The following ADAMTS17 variants were observed in gnomAD, a reference collection of about 807,000 sequenced individuals.
The protein encoded by ADAMTS17 is A disintegrin and metalloproteinase with thrombospondin motifs 17.
ADAMTS17 carries 113 observed loss-of-function variants against 141.5 expected under a neutral mutation model. The ratio of observed to expected loss-of-function variants is 0.80; its 90% CI spans 0.69 to 0.93. ADAMTS17 has a LOEUF of 0.93. ADAMTS17 is among the 40% of genes least tolerant of loss of function. The pLI, the probability that ADAMTS17 is intolerant of heterozygous loss-of-function variation, is 0.00. For synonymous variants in ADAMTS17, 768 were observed against 630.6 expected (o/e 1.22, Z -3.27); for missense variants, 1,659 against 1,517.9 (o/e 1.09, Z -1.54).
chr15:99,989,889 C>A (rs1191985636), intron 20 of ADAMTS17, among the ~76,000 whole-genome samples: 1 of 152,204 alleles, frequency 6.6e-6, no homozygotes, highest in Non-Finnish European at 1.5e-5. Flanking sequence ...TATATATTAG[C>A]ATCTTGAAAC....
chr15:100,158,474 T>A (rs1372875807), intron 8 of ADAMTS17, among the ~76,000 whole-genome samples: 1 of 152,228 alleles, frequency 6.6e-6, no homozygotes, highest in East Asian at 1.9e-4. Context: ...ACATGAGAGC[T>A]GCCCTCTGAA....
chr15:100,052,804 A>G (rs549935469), intron 16 of ADAMTS17, among the ~76,000 whole-genome samples: 2 of 152,212 alleles, frequency 1.3e-5, no homozygotes, highest in Non-Finnish European at 2.9e-5. Flanking sequence ...CAGTGGACTT[A>G]GCGGGCTGAG....
At chr15:100,282,874 A>G (rs2044330386) in intron 3 of ADAMTS17, among the ~76,000 whole-genome samples, 1 of 152,242 alleles carries the variant, frequency 6.6e-6, no homozygotes, top group African/African-American at 2.4e-5. Flanking sequence ...ATAAATCTGC[A>G]TGTATAGTTA....
chr15:100,196,994 T>G (rs1422367026), intron 8 of ADAMTS17, among the ~76,000 whole-genome samples: 2 of 152,244 alleles, frequency 1.3e-5, no homozygotes, highest in African/African-American at 2.4e-5. Flanking sequence ...TGGAGTTCAA[T>G]AGCAAGCTAT....
At chr15:99,981,120 C>A (rs767930267) in intron 20 of ADAMTS17, among the ~76,000 whole-genome samples, 1 of 152,194 alleles carries the variant, frequency 6.6e-6, no homozygotes, top group East Asian at 1.9e-4. Flanking sequence ...ATTCCACCCT[C>A]CTATGTGAAT....
intron 3 of ADAMTS17, among the ~76,000 whole-genome samples, chr15:100,308,653 A>G (rs998660989): frequency 4.0e-5 from 6 of 151,808 alleles, no homozygotes; most frequent in Admixed American, 2.0e-4. Context: ...ATGAAAAAAG[A>G]AAAAAAAGTA....
At chr15:100,291,338 A>G (rs995229982) in intron 3 of ADAMTS17, among the ~76,000 whole-genome samples, 3 of 152,294 alleles carry the variant, frequency 2.0e-5, no homozygotes, top group South Asian at 2.1e-4. Flanking sequence ...GTTAAAAAGT[A>G]AAAAACTAGC....
chr15:100,306,177 G>C, intron 3 of ADAMTS17: 1 of 289,992 alleles, frequency 3.4e-6, no homozygotes, highest in Non-Finnish European at 6.9e-6. Flanking sequence ...TACAGTTATA[G>C]AGGTGTGAAG....
chr15:100,238,266 T>C lies in ADAMTS17; in HGVS notation c.1075+15870A>G, dbSNP rs78343378. On this transcript the variant is annotated intron_variant, in intron 7 of 21. Coordinates refer to ENST00000268070, the MANE Select transcript of ADAMTS17 (RefSeq NM_139057.4). Reference sequence around the variant, plus strand: ...AATTTCAGGTCCCAGCCCCTCCACTTCCCACCCTTCTTATCTGCTTTCCAT... The same window carrying C: ...AATTTCAGGTCCCAGCCCCTCCACTCCCCACCCTTCTTATCTGCTTTCCAT... Among the ~76,000 whole-genome samples, 433 of 152,294 alleles carry C rather than the reference T, an allele frequency of 2.8e-3. 5 individuals carry two copies. The highest frequency in any genetic ancestry group is 0.019 in the South Asian group (93 of 4,826).
At position 100,157,888 on chromosome 15, in the gene ADAMTS17, C is replaced by CTTTTTTTTT. The variant is rs1215411149; in HGVS notation, c.1182-2577_1182-2569dup. Reference sequence around the variant, plus strand: ...CCAGTGAGAACAGTTTAGCTATATTCTTTTTTTTTTTTTTTCCTGAGATGG... The same window carrying CTTTTTTTTT: ...CCAGTGAGAACAGTTTAGCTATATTCTTTTTTTTTTTTTTTTTTTTTTTTCCTGAGATGG... On this transcript the variant is annotated intron_variant, in intron 8 of 21. Coordinates refer to ENST00000268070, the MANE Select transcript of ADAMTS17 (RefSeq NM_139057.4). Among the ~76,000 whole-genome samples the CTTTTTTTTT allele has an allele frequency of 9.2e-4, 130 of 141,418 alleles. 4 individuals carry two copies. Among genetic ancestry groups the CTTTTTTTTT allele is most frequent in the South Asian group, 3.7e-3 (16 of 4,320 alleles). The allele number at this position is 141,418 out of a possible 152,430, so 92.8% of individuals were successfully genotyped here. A position where few individuals can be genotyped will look rare whatever the true frequency, so the allele number is the denominator to read the frequency against.
intron 12 of ADAMTS17, among the ~76,000 whole-genome samples, chr15:100,119,991 G>A (rs1051294074): frequency 6.6e-5 from 10 of 152,184 alleles, no homozygotes; most frequent in African/African-American, 2.4e-4. Context: ...TATCTGGAAG[G>A]ATCTTATCTC....
chr15:99,987,419 T>C (rs775851685), intron 20 of ADAMTS17, among the ~76,000 whole-genome samples: 1 of 152,200 alleles, frequency 6.6e-6, no homozygotes, highest in Non-Finnish European at 1.5e-5. Context: ...ACACGGATAG[T>C]GTTCAGCCTT....
At chr15:100,328,904 C>T (rs973573203) in intron 3 of ADAMTS17, among the ~76,000 whole-genome samples, 3 of 152,078 alleles carry the variant, frequency 2.0e-5, no homozygotes, top group Non-Finnish European at 2.9e-5. Context: ...TCCTTTGTTT[C>T]GTTGCATGGC....
intron 18 of ADAMTS17, among the ~76,000 whole-genome samples, chr15:100,010,307 G>C (rs1340374958): frequency 2.0e-5 from 3 of 152,216 alleles, no homozygotes; most frequent in African/African-American, 7.2e-5. Flanking sequence ...CAGTGGGCGT[G>C]TGTGTGAGGA....
At chr15:100,231,314 C>T (rs1254419706) in intron 7 of ADAMTS17, among the ~76,000 whole-genome samples, 2 of 152,156 alleles carry the variant, frequency 1.3e-5, no homozygotes, top group African/African-American at 4.8e-5. Context: ...AGTGTTAATT[C>T]CTCTTGGCAA....
At chr15:100,059,287 G>A (rs11637607) in intron 15 of ADAMTS17, among the ~76,000 whole-genome samples, 81,103 of 152,218 alleles carry the variant, frequency 0.53, 24,590 homozygotes, top group Non-Finnish European at 0.69. Context: ...TGTGGCCATC[G>A]CCGCAGTGGC....
chr15:100,036,057 T>G (rs1459992351), intron 18 of ADAMTS17, among the ~76,000 whole-genome samples: 1 of 152,108 alleles, frequency 6.6e-6, no homozygotes, highest in Non-Finnish European at 1.5e-5. Flanking sequence ...GTGTCTCCAA[T>G]GTGATGCTCG....
intron 3 of ADAMTS17, among the ~76,000 whole-genome samples, chr15:100,296,578 G>GTGT (rs1555504048): frequency 1.3e-4 from 17 of 127,670 alleles, no homozygotes; most frequent in Admixed American, 2.8e-4. Context: ...GGGGTGAGGG[G>GTGT]GGGTGTGTGT....
intron 8 of ADAMTS17, among the ~76,000 whole-genome samples, chr15:100,179,417 G>A (rs1366694987): frequency 6.6e-6 from 1 of 152,146 alleles, no homozygotes; most frequent in Non-Finnish European, 1.5e-5. Context: ...ATTGTGGTAA[G>A]TACCATATTT....
Sources: allele counts gnomAD v4.1 joint callset (sites outside exome capture counted in the v4.1 genomes callset), GRCh38; gene constraint gnomAD v4.1.1; transcripts MANE v1.5; gene names NCBI Gene and HGNC (gene_info 2026-07-23, HGNC 2026-07-21).